Variants in PTPRD observed in about 807,000 individuals in gnomAD.
PTPRD encodes the protein receptor-type tyrosine-protein phosphatase delta.
Under a neutral mutation model 214.5 loss-of-function variants are expected in PTPRD, and 34 were observed. That is an observed-to-expected ratio of 0.16 (90% confidence interval 0.12 to 0.21). The LOEUF (loss-of-function observed/expected upper bound fraction) is 0.21. Among genes scored for constraint, PTPRD ranks in the 10% least tolerant of loss-of-function variants. The pLI is 1.00. For missense variants in PTPRD, 2,545 were observed against 2,398.7 expected (o/e 1.06, Z -1.27); for synonymous variants, 1,128 against 845.7 (o/e 1.33, Z -5.79).
At chr9:8,855,192 T>C (rs1054340680) in intron 11 of PTPRD, among the ~76,000 whole-genome samples, 1 of 151,920 alleles carries the variant, frequency 6.6e-6, no homozygotes, top group Non-Finnish European at 1.5e-5. Context: ...GGATACCTCC[T>C]GGATATAAGA....
intron 4 of PTPRD, among the ~76,000 whole-genome samples, chr9:9,999,154 T>C (rs1466175247): frequency 6.6e-6 from 1 of 152,200 alleles, no homozygotes; most frequent in Non-Finnish European, 1.5e-5. Context: ...GTGAAAACTC[T>C]CACTTCTGCT....
chr9:10,527,474 G>A (rs2054663940), intron 2 of PTPRD, among the ~76,000 whole-genome samples: 1 of 152,170 alleles, frequency 6.6e-6, no homozygotes, highest in South Asian at 2.1e-4. Flanking sequence ...AAATGCATTA[G>A]GTAGACTGGA....
rs1352673296 is a variant in PTPRD, at chr9:10,231,987, A to AGT, written c.-545+108975_-545+108976insAC. ...GAGAGAGAGAGAGAGAGAGAGAGAG[A>AGT]GAGTGTGTGTGTGTGTGTGTGTGTG... On this transcript the variant is annotated intron_variant, in intron 3 of 45. Coordinates refer to ENST00000381196, the MANE Select transcript of PTPRD (RefSeq NM_002839.4). Among the ~76,000 whole-genome samples, 437 of 97,698 alleles carry AGT rather than the reference A, an allele frequency of 4.5e-3. 3 individuals are homozygous for AGT. Among genetic ancestry groups the AGT allele is most frequent in the African/African-American group, 0.016 (337 of 21,708 alleles). 64.1% of individuals were successfully genotyped at this position (97,698 alleles called of 152,430 possible). A position where few individuals can be genotyped will look rare whatever the true frequency, so the allele number is the denominator to read the frequency against.
rs563636127 is a variant in PTPRD, at chr9:9,250,105, G to A, written c.-202-66742C>T. 9.2e-4 allele frequency among the ~76,000 whole-genome samples: 140 copies of A among 152,062 alleles called. 1 individual carries two copies. The highest frequency in any genetic ancestry group is 3.0e-3 in the African/African-American group (126 of 41,514). On this transcript the variant is annotated intron_variant, in intron 9 of 45. Transcript: ENST00000381196. Reference sequence around the variant, plus strand: ...CTTGCCTTCTCCCAGAAGAACTCCCGAGCACACCATGAACAGTCGCATACA... The same window carrying A: ...CTTGCCTTCTCCCAGAAGAACTCCCAAGCACACCATGAACAGTCGCATACA...
chr9:9,151,541 G>T (rs2099876774), intron 10 of PTPRD, among the ~76,000 whole-genome samples: 1 of 152,126 alleles, frequency 6.6e-6, no homozygotes, highest in African/African-American at 2.4e-5. Flanking sequence ...GTTTAAATGA[G>T]ATAGAATTTA....
At chr9:10,038,860 G>A (rs1016461011) in intron 3 of PTPRD, among the ~76,000 whole-genome samples, 2 of 151,852 alleles carry the variant, frequency 1.3e-5, no homozygotes, top group Non-Finnish European at 2.9e-5. Context: ...CCCTGACCTT[G>A]GTTTATATCC....
At chr9:8,550,729 AT>A (rs1673633829) in intron 14 of PTPRD, among the ~76,000 whole-genome samples, 1 of 152,226 alleles carries the variant, frequency 6.6e-6, no homozygotes, top group Non-Finnish European at 1.5e-5. Flanking sequence ...CAGCCCTAAG[AT>A]TTCTTAATAG....
chr9:10,245,681 A>T (rs1055196120), intron 3 of PTPRD, among the ~76,000 whole-genome samples: 2 of 151,948 alleles, frequency 1.3e-5, no homozygotes, highest in African/African-American at 4.8e-5. Context: ...TAAACAAACT[A>T]TGAAAAAAGA....
intron 5 of PTPRD, among the ~76,000 whole-genome samples, chr9:9,825,954 T>C (rs1166787814): frequency 6.6e-6 from 1 of 151,720 alleles, no homozygotes; most frequent in Non-Finnish European, 1.5e-5. Context: ...TAATTCCAGG[T>C]TGATATCCTT....
At chr9:9,568,670 A>G (rs567785021) in intron 8 of PTPRD, among the ~76,000 whole-genome samples, 1 of 151,996 alleles carries the variant, frequency 6.6e-6, no homozygotes, top group Admixed American at 6.6e-5. Context: ...ATTTTTTTAA[A>G]CGATAATCAG....
At chr9:9,671,089 G>C (rs756930731) in intron 7 of PTPRD, among the ~76,000 whole-genome samples, 1 of 152,186 alleles carries the variant, frequency 6.6e-6, no homozygotes, top group South Asian at 2.1e-4. Context: ...CATGAAAGCA[G>C]CTGGGAGGGA....
chr9:8,579,585 T>G (rs1055192719), intron 14 of PTPRD, among the ~76,000 whole-genome samples: 2 of 152,196 alleles, frequency 1.3e-5, no homozygotes, highest in Admixed American at 6.5e-5. Context: ...AGAAGTCACA[T>G]TCTAGGGGAA....
intron 3 of PTPRD, among the ~76,000 whole-genome samples, chr9:10,293,256 GA>G (rs974808253): frequency 2.0e-5 from 3 of 151,468 alleles, no homozygotes; most frequent in African/African-American, 7.3e-5. Context: ...AAGAGGTATA[GA>G]AAAAAAATTG....
chr9:8,586,092 G>C (rs2093631836), intron 14 of PTPRD, among the ~76,000 whole-genome samples: 1 of 152,162 alleles, frequency 6.6e-6, no homozygotes, highest in Non-Finnish European at 1.5e-5. Flanking sequence ...ACAAGGTCAG[G>C]AGATAGAGAC....
chr9:10,392,618 T>C (rs937237267), intron 2 of PTPRD, among the ~76,000 whole-genome samples: 6 of 151,848 alleles, frequency 4.0e-5, no homozygotes, highest in South Asian at 2.1e-4. Flanking sequence ...CACAATATAA[T>C]ATGGGATTAA....
intron 10 of PTPRD, among the ~76,000 whole-genome samples, chr9:9,106,120 C>T (rs1591710456): frequency 6.6e-6 from 1 of 152,024 alleles, no homozygotes; most frequent in Non-Finnish European, 1.5e-5. Context: ...TCGTAGGAAA[C>T]CTTACTCATC....
intron 2 of PTPRD, among the ~76,000 whole-genome samples, chr9:10,522,037 A>G (rs1435091020): frequency 6.6e-6 from 1 of 152,124 alleles, no homozygotes; most frequent in East Asian, 1.9e-4. Context: ...ATATGTGTAT[A>G]TCCACACACT....
chr9:9,953,354 A>G (rs1421192921), intron 4 of PTPRD, among the ~76,000 whole-genome samples: 1 of 152,182 alleles, frequency 6.6e-6, no homozygotes, highest in Non-Finnish European at 1.5e-5. Context: ...CATACTGGGT[A>G]CAGTGTACAC....
At chr9:9,673,238 A>C (rs944852448) in intron 7 of PTPRD, among the ~76,000 whole-genome samples, 1 of 151,972 alleles carries the variant, frequency 6.6e-6, no homozygotes, top group Non-Finnish European at 1.5e-5. Context: ...TTCTTTCCCT[A>C]TTAATTTTCA....
Sources: gnomAD v4.1 joint callset for allele counts (sites outside exome capture counted in the v4.1 genomes callset) on GRCh38, gnomAD v4.1.1 for gene constraint, MANE v1.5 for transcripts, NCBI Gene and HGNC (gene_info 2026-07-23, HGNC 2026-07-21) for gene names.